The following TAFA5 variants were observed in gnomAD, a reference collection of about 807,000 sequenced individuals.
TAFA5 encodes TAFA chemokine like family member 5.
A neutral mutation model predicts 15.3 loss-of-function variants in TAFA5; 6 were observed. The observed-to-expected ratio is 0.39, with a 90% confidence interval of 0.21 to 0.77. TAFA5 has a LOEUF of 0.77. TAFA5 is among the 30% of genes least tolerant of loss of function. The probability of loss-of-function intolerance (pLI) is 0.41; values close to 1 mark genes in which losing one functional copy is unlikely to be tolerated. For synonymous variants in TAFA5, 103 were observed against 80.7 expected, an observed-to-expected ratio of 1.28 and a Z score of -1.48; for missense variants, 161 against 193.1, an observed-to-expected ratio of 0.83 and a Z score of 0.98.
At chr22:48,532,154 CT>C (rs1921996933) in intron 1 of TAFA5, among the ~76,000 whole-genome samples, 1 of 152,220 alleles carries the variant, frequency 6.6e-6, no homozygotes, top group African/African-American at 2.4e-5. Context: ...ATCTCCTTGC[CT>C]TTTCTTCTTC....
At chr22:48,623,051 A>C (rs560689239) in intron 1 of TAFA5, among the ~76,000 whole-genome samples, 4 of 152,344 alleles carry the variant, frequency 2.6e-5, no homozygotes, top group Admixed American at 6.5e-5. Context: ...GTAATTACCC[A>C]GAAGAGGGCG....
intron 2 of TAFA5, among the ~76,000 whole-genome samples, chr22:48,671,878 C>G (rs888608548): frequency 2.0e-5 from 3 of 152,144 alleles, no homozygotes; most frequent in Non-Finnish European, 4.4e-5. Flanking sequence ...TTCCGAGACC[C>G]AAACAATATC....
intron 1 of TAFA5, among the ~76,000 whole-genome samples, chr22:48,609,639 T>C (rs28515534): frequency 0.99 from 150,123 of 152,276 alleles, 74,004 homozygotes; most frequent in Middle Eastern, 1. Context: ...CTCACAGACC[T>C]GAGGATGGTG....
At chr22:48,585,890 C>T (rs1236061883) in intron 1 of TAFA5, among the ~76,000 whole-genome samples, 2 of 152,294 alleles carry the variant, frequency 1.3e-5, no homozygotes, top group East Asian at 1.9e-4. Context: ...ATGTTATACA[C>T]ACACAGCCAA....
chr22:48,699,175 G>A (rs13053815), intron 2 of TAFA5, among the ~76,000 whole-genome samples: 22,874 of 151,854 alleles, frequency 0.15, 2,140 homozygotes, highest in South Asian at 0.24. Flanking sequence ...TCAGGTGATC[G>A]ACTAGCCTGG....
chr22:48,508,332 C>T (rs919502085), intron 1 of TAFA5, among the ~76,000 whole-genome samples: 1 of 152,198 alleles, frequency 6.6e-6, no homozygotes, highest in Admixed American at 6.5e-5. Context: ...CCAGGGCTGC[C>T]GCCCCCCCAG....
chr22:48,668,519 C>A (rs1374867499), intron 2 of TAFA5, among the ~76,000 whole-genome samples: 5 of 22,860 alleles, frequency 2.2e-4, no homozygotes, highest in African/African-American at 6.9e-4. Context: ...GAGCTGTAGT[C>A]CCCCAGCACT....
At chr22:48,744,621 C>T (rs537908991) in intron 3 of TAFA5, among the ~76,000 whole-genome samples, 24 of 152,186 alleles carry the variant, frequency 1.6e-4, no homozygotes, top group Non-Finnish European at 2.4e-4. Flanking sequence ...CGTTAGAGAG[C>T]GGTGCTAAAC....
intron 3 of TAFA5, among the ~76,000 whole-genome samples, chr22:48,748,112 C>T (rs538105987): frequency 2.6e-5 from 4 of 152,300 alleles, no homozygotes; most frequent in South Asian, 2.1e-4. Flanking sequence ...CCACGCCCTC[C>T]GGTCACTCCT....
chr22:48,500,872 C>T (rs1920948089), intron 1 of TAFA5, among the ~76,000 whole-genome samples: 1 of 152,162 alleles, frequency 6.6e-6, no homozygotes, highest in Admixed American at 6.5e-5. Context: ...GGTATGTGTG[C>T]TGTTTGCCAT....
In TAFA5 at chr22:48,750,607, C is replaced by G. The variant is rs1161644377; in HGVS notation, c.*760C>G. On this transcript the variant is annotated 3_prime_UTR_variant, in exon 4 of 4. Coordinates refer to ENST00000402357, the MANE Select transcript of TAFA5 (RefSeq NM_001082967.3). ...CTTTATTCCTCTGTACTTAGATCAA[C>G]TTGACCGTACTAAAATCCCTTTCTG... The G allele has an allele frequency of 6.5e-6, 1 of 152,682 alleles. No individual in the cohort carries two copies. The highest frequency in any genetic ancestry group is 2.4e-5 in the African/African-American group (1 of 41,468). 9.5% of individuals were successfully genotyped at this position (152,682 alleles called of 1,614,324 possible).
At position 48,492,098 on chromosome 22, in the gene TAFA5, C is replaced by T. The variant is rs1417435024; in HGVS notation, c.112+2394C>T. 2.6e-5 allele frequency among the ~76,000 whole-genome samples: 4 copies of T among 151,678 alleles called. No individual in the cohort carries two copies. In the East Asian group the frequency reaches 7.7e-4, roughly 29 times the overall value. ...AAATAGACATAATAATAATTTATAG[C>T]TTGGAACTGCAGTCCTAGAGAAAAA... On this transcript the variant is annotated intron_variant, in intron 1 of 3. Coordinates refer to ENST00000402357, the MANE Select transcript of TAFA5 (RefSeq NM_001082967.3).
At chr22:48,643,997 A>G (rs1926775654) in intron 1 of TAFA5, among the ~76,000 whole-genome samples, 1 of 152,146 alleles carries the variant, frequency 6.6e-6, no homozygotes, top group African/African-American at 2.4e-5. Flanking sequence ...TGTGCTCGGG[A>G]CCCGTCCAGA....
At chr22:48,596,079 G>A (rs1051813611) in intron 1 of TAFA5, among the ~76,000 whole-genome samples, 1 of 152,220 alleles carries the variant, frequency 6.6e-6, no homozygotes, top group Non-Finnish European at 1.5e-5. Context: ...TGAATTAACA[G>A]GTTTAACAAG....
intron 1 of TAFA5, among the ~76,000 whole-genome samples, chr22:48,506,685 C>T (rs1377159040): frequency 7.9e-5 from 12 of 152,194 alleles, no homozygotes; most frequent in Admixed American, 7.9e-4. Flanking sequence ...GAAGAGGGAC[C>T]TCAGGGCCTG....
At chr22:48,686,411 A>C (rs1366698212) in intron 2 of TAFA5, among the ~76,000 whole-genome samples, 1 of 152,152 alleles carries the variant, frequency 6.6e-6, no homozygotes, top group East Asian at 1.9e-4. Flanking sequence ...ACTGGAAAGG[A>C]TGAGGGGCCT....
chr22:48,490,232 G>C lies in TAFA5; in HGVS notation c.112+528G>C, dbSNP rs1350195589. ...TTCCGCTTTCCCGGGAAACGGGCTC[G>C]TCAGGCGCCTTCTGGAAAGAGAAGC... On this transcript the variant is annotated intron_variant, in intron 1 of 3. Transcript: ENST00000402357. This position sits in a 1 kb window ranked among gnomAD's most constrained non-coding sequence, Gnocchi z 5.8. Among the ~76,000 whole-genome samples the C allele has an allele frequency of 6.6e-6, 1 of 152,140 alleles. No homozygotes were observed. Among genetic ancestry groups the C allele is most frequent in the African/African-American group, 2.4e-5 (1 of 41,452 alleles).
chr22:48,558,645 A>C (rs569594247), intron 1 of TAFA5, among the ~76,000 whole-genome samples: 59 of 152,278 alleles, frequency 3.9e-4, no homozygotes, highest in African/African-American at 1.4e-3. Context: ...GAACACCTCC[A>C]CAGTATCTTC....
chr22:48,615,635 C>T lies in TAFA5; in HGVS notation c.113-30962C>T, dbSNP rs1416658643. ...GACATCCCCCACGGGTCCTTCTGGC[C>T]CCTGTTCCACATGAAGGGCACTCTC... On this transcript the variant is annotated intron_variant, in intron 1 of 3. Transcript: ENST00000402357. Among the ~76,000 whole-genome samples, 10 of 152,294 alleles carry T rather than the reference C, an allele frequency of 6.6e-5. No homozygotes were observed. The East Asian group carries it at 1.9e-3, about 30-fold the overall frequency.
Sources: gnomAD v4.1 joint callset for allele counts (sites outside exome capture counted in the v4.1 genomes callset) on GRCh38, gnomAD v4.1.1 for gene constraint, Gnocchi (gnomAD v3.1) non-coding constraint, MANE v1.5 for transcripts, NCBI Gene and HGNC (gene_info 2026-07-23, HGNC 2026-07-21) for gene names.